Variants in RSPH14 observed in about 807,000 individuals in gnomAD.
RSPH14 encodes radial spoke head 14 homolog.
Under a neutral mutation model 26.7 loss-of-function variants are expected in RSPH14, and 20 were observed. The ratio of observed to expected loss-of-function variants is 0.75; its 90% CI spans 0.53 to 1.09. The LOEUF is 1.09. RSPH14 is among the 50% of genes least tolerant of loss of function. The pLI, the probability that RSPH14 is intolerant of heterozygous loss-of-function variation, is 0.00. For synonymous variants in RSPH14, 177 were observed against 189.3 expected (o/e 0.93, Z 0.53); for missense variants, 449 against 457.2 (o/e 0.98, Z 0.16).
the RSPH14 span, among the ~76,000 whole-genome samples, chr22:23,176,611 A>T: frequency 6.6e-6 from 1 of 152,098 alleles, no homozygotes; most frequent in African/African-American, 2.4e-5. Flanking sequence ...TCACCCCAAC[A>T]TCCCTCATTC....
At chr22:23,091,539 C>G (rs961775871) in intron 4 of RSPH14, among the ~76,000 whole-genome samples, 56 of 152,144 alleles carry the variant, frequency 3.7e-4, no homozygotes, top group Non-Finnish European at 5.4e-4. Context: ...GACCTACACA[C>G]ACACAGGGAG....
chr22:23,061,545 A>G (rs2068092116), intron 6 of RSPH14, among the ~76,000 whole-genome samples: 1 of 152,164 alleles, frequency 6.6e-6, no homozygotes, highest in Non-Finnish European at 1.5e-5. Context: ...CGGGAATTCC[A>G]GGCCCAGGGA....
At chr22:23,152,038 G>C in the RSPH14 span, among the ~76,000 whole-genome samples, 1 of 152,238 alleles carries the variant, frequency 6.6e-6, no homozygotes, top group Non-Finnish European at 1.5e-5. Flanking sequence ...GGGGCTGCCC[G>C]TCCCTTTTGC....
chr22:23,116,860 C>T (rs2146382415), intron 4 of RSPH14, among the ~76,000 whole-genome samples: 1 of 152,206 alleles, frequency 6.6e-6, no homozygotes, highest in South Asian at 2.1e-4. Flanking sequence ...AGTCCAGAGG[C>T]CTCTTAAAAT....
intron 4 of RSPH14, among the ~76,000 whole-genome samples, chr22:23,132,167 A>G (rs1490857698): frequency 1.3e-5 from 2 of 152,210 alleles, no homozygotes; most frequent in Non-Finnish European, 2.9e-5. Context: ...TACTTTAGAC[A>G]TGGGAAATAA....
intron 4 of RSPH14, among the ~76,000 whole-genome samples, chr22:23,077,463 C>G (rs1648611840): frequency 6.6e-6 from 1 of 152,192 alleles, no homozygotes; most frequent in Non-Finnish European, 1.5e-5. Context: ...GGAGCCTCCT[C>G]TTGGATGTAC....
chr22:23,148,485 C>G (rs1244341289), upstream of RSPH14, among the ~76,000 whole-genome samples: 3 of 152,164 alleles, frequency 2.0e-5, no homozygotes, highest in Non-Finnish European at 4.4e-5. Flanking sequence ...GGGATTTGAC[C>G]TGGCCGTGTC....
At chr22:23,126,349 C>A (rs997485375) in intron 4 of RSPH14, among the ~76,000 whole-genome samples, 1 of 152,124 alleles carries the variant, frequency 6.6e-6, no homozygotes, top group Non-Finnish European at 1.5e-5. Context: ...CTGGCCCCGT[C>A]CTCCCCTGCA....
chr22:23,112,125 CTT>C (rs1569182308), intron 4 of RSPH14, among the ~76,000 whole-genome samples: 3 of 152,170 alleles, frequency 2.0e-5, no homozygotes, highest in African/African-American at 7.2e-5. Flanking sequence ...AGCCTCCTGT[CTT>C]CACCCCGCAG....
intron 4 of RSPH14, among the ~76,000 whole-genome samples, chr22:23,104,343 G>A (rs1045586850): frequency 6.6e-6 from 1 of 152,208 alleles, no homozygotes; most frequent in African/African-American, 2.4e-5. Flanking sequence ...CCCCAGGACT[G>A]TGTCCCTCCC....
intron 4 of RSPH14, among the ~76,000 whole-genome samples, chr22:23,081,124 G>A (rs2068665304): frequency 6.6e-6 from 1 of 152,220 alleles, no homozygotes; most frequent in South Asian, 2.1e-4. Context: ...AAAAGCCTCA[G>A]TAAAAGCCGT....
intron 4 of RSPH14, among the ~76,000 whole-genome samples, chr22:23,115,554 C>T (rs927726453): frequency 6.6e-6 from 1 of 152,072 alleles, no homozygotes; most frequent in African/African-American, 2.4e-5. Flanking sequence ...AGGAGGAGGC[C>T]CAGAACATAC....
At chr22:23,067,101 C>T (rs2068228343) in intron 4 of RSPH14, among the ~76,000 whole-genome samples, 2 of 152,134 alleles carry the variant, frequency 1.3e-5, no homozygotes, top group African/African-American at 2.4e-5. Flanking sequence ...TCTGGCCTGG[C>T]TGATATGTAG....
Position 23,059,624 on chromosome 22 carries a change from G to T in RSPH14, c.885C>A (p.Ala295=), listed in dbSNP as rs766033454. ...CGGGGGCCTCTGCCAGCATGGTAAG[G>T]GCCTTGGTGGCATTCAGGCGCGCTA... is the stretch of plus-strand genomic sequence containing the variant. ...MTIARLNATK[A]LTMLAEAPEG... The change falls in exon 7 of 7, where the codon GCC becomes GCA. Residue 295 remains alanine (A), a synonymous_variant. Coordinates refer to ENST00000216036, the MANE Select transcript of RSPH14 (RefSeq NM_014433.3). The T allele has an allele frequency of 1.9e-6, 3 of 1,610,476 alleles. No homozygotes were observed. The highest frequency in any genetic ancestry group is 2.5e-6 in the Non-Finnish European group (3 of 1,178,598).
chr22:23,119,000 G>A (rs566118407), intron 4 of RSPH14, among the ~76,000 whole-genome samples: 1 of 152,306 alleles, frequency 6.6e-6, no homozygotes, highest in African/African-American at 2.4e-5. Flanking sequence ...GCATGGACAG[G>A]TCAGAGGGCT....
chr22:23,133,887 G>A (rs376622752), intron 4 of RSPH14, 139 bp downstream of exon 4: 19 of 624,764 alleles, frequency 3.0e-5, no homozygotes, highest in South Asian at 4.6e-5. Context: ...CACACCCAGC[G>A]GATATGTGCT....
intron 4 of RSPH14, among the ~76,000 whole-genome samples, chr22:23,092,383 C>T (rs559688366): frequency 3.3e-5 from 5 of 152,238 alleles, no homozygotes; most frequent in African/African-American, 7.2e-5. Context: ...CTGCACAGGG[C>T]GCTCATACCC....
At chr22:23,130,423 C>A (rs1408859348) in intron 4 of RSPH14, among the ~76,000 whole-genome samples, 1 of 147,780 alleles carries the variant, frequency 6.8e-6, no homozygotes, top group Non-Finnish European at 1.5e-5. Context: ...CCAGTGCACT[C>A]CAGCCTGGGC....
intron 4 of RSPH14, among the ~76,000 whole-genome samples, chr22:23,102,264 C>T (rs988128861): frequency 2.6e-5 from 4 of 152,208 alleles, no homozygotes; most frequent in Admixed American, 1.3e-4. Flanking sequence ...AGGCTTTATG[C>T]GTGACCCCAT....
Sources: gnomAD v4.1 joint callset for allele counts (sites outside exome capture counted in the v4.1 genomes callset) on GRCh38, gnomAD v4.1.1 for gene constraint, MANE v1.5 for transcripts, NCBI Gene and HGNC (gene_info 2026-07-23, HGNC 2026-07-21) for gene names.